MEIKIN: variants seen among roughly 807,000 people sequenced by gnomAD.
MEIKIN encodes the protein meiosis-specific kinetochore protein.
At chr5:131,890,631 T>C (rs1207186936) in intron 8 of MEIKIN, among the ~76,000 whole-genome samples, 2 of 152,128 alleles carry the variant, frequency 1.3e-5, no homozygotes, top group African/African-American at 2.4e-5. Context: ...GTCTTGCTAG[T>C]GGTCTATCAA....
intron 8 of MEIKIN, among the ~76,000 whole-genome samples, chr5:131,901,101 T>C (rs561151358): frequency 6.6e-6 from 1 of 152,250 alleles, no homozygotes; most frequent in East Asian, 1.9e-4. Context: ...ACACTGCCAC[T>C]GGCGTGAAAC....
chr5:131,839,754 G>C (rs1749871299), intron 11 of MEIKIN, among the ~76,000 whole-genome samples: 1 of 152,280 alleles, frequency 6.6e-6, no homozygotes, highest in Admixed American at 6.5e-5. Context: ...CTGCATGTGA[G>C]ATGGGTCTCT....
Position 131,871,945 on chromosome 5 carries a change from T to C in MEIKIN, c.774+7033A>G, listed in dbSNP as rs1302508157. On this transcript the variant is annotated intron_variant, in intron 9 of 12. Coordinates refer to ENST00000442687, the MANE Select transcript of MEIKIN (RefSeq NM_001303622.2). Reference sequence around the variant, plus strand: ...GACCTGCAGCTGAGGGTCCTGACTGTTAGAAGGAAAACTAACAAACAGGAA... The same window carrying C: ...GACCTGCAGCTGAGGGTCCTGACTGCTAGAAGGAAAACTAACAAACAGGAA... 5.9e-5 allele frequency among the ~76,000 whole-genome samples: 9 copies of C among 152,170 alleles called. No homozygotes were observed. The East Asian group carries it at 1.2e-3, about 20-fold the overall frequency.
chr5:131,845,106 TA>T (rs1218585597), intron 11 of MEIKIN, among the ~76,000 whole-genome samples: 3 of 151,344 alleles, frequency 2.0e-5, no homozygotes, highest in Non-Finnish European at 4.4e-5. Context: ...TCATCTCTAT[TA>T]AAAACACAAA....
chr5:131,892,000 G>T (rs7443918), intron 8 of MEIKIN, among the ~76,000 whole-genome samples: 20,578 of 151,950 alleles, frequency 0.14, 3,560 homozygotes, highest in African/African-American at 0.41. Flanking sequence ...GATATGAAAT[G>T]CTGGGTTGAA....
chr5:131,888,396 G>A (rs564653161), intron 8 of MEIKIN, among the ~76,000 whole-genome samples: 15 of 151,428 alleles, frequency 9.9e-5, no homozygotes, highest in Non-Finnish European at 2.1e-4. Context: ...TTTAATGATC[G>A]CCATTCTAAC....
chr5:131,809,844 A>G (rs1046814369), intron 12 of MEIKIN, among the ~76,000 whole-genome samples: 6 of 151,678 alleles, frequency 4.0e-5, no homozygotes, highest in Admixed American at 1.3e-4. Flanking sequence ...AAACAAAACC[A>G]AAGAACAGTT....
At chr5:131,897,409 T>A (rs1209595449) in intron 8 of MEIKIN, among the ~76,000 whole-genome samples, 1 of 152,242 alleles carries the variant, frequency 6.6e-6, no homozygotes, top group East Asian at 1.9e-4. Flanking sequence ...GTTCTCTGTA[T>A]TTCCTGAATT....
chr5:131,830,119 G>T (rs1749689196), intron 11 of MEIKIN, among the ~76,000 whole-genome samples: 1 of 152,212 alleles, frequency 6.6e-6, no homozygotes, highest in Non-Finnish European at 1.5e-5. Flanking sequence ...ACTGGGCACA[G>T]TGACTCATCC....
intron 8 of MEIKIN, among the ~76,000 whole-genome samples, chr5:131,887,658 T>C (rs185808530): frequency 6.6e-6 from 1 of 152,270 alleles, no homozygotes; most frequent in East Asian, 1.9e-4. Context: ...TCTGTTCATA[T>C]CCTTTGCTCA....
chr5:131,822,934 ATTTTTTT>A (rs70974019), intron 11 of MEIKIN, among the ~76,000 whole-genome samples: 5 of 116,912 alleles, frequency 4.3e-5, no homozygotes, highest in Admixed American at 2.6e-4. Context: ...TGCTTAAAGG[ATTTTTTT>A]TTTTTTTTTT....
intron 6 of MEIKIN, among the ~76,000 whole-genome samples, chr5:131,919,424 AG>A (rs1372378809): frequency 6.6e-6 from 1 of 152,246 alleles, no homozygotes; most frequent in Non-Finnish European, 1.5e-5. Flanking sequence ...TATATATCAT[AG>A]GTTTATTCAT....
intron 8 of MEIKIN, among the ~76,000 whole-genome samples, chr5:131,890,685 T>G (rs1191797414): frequency 1.3e-5 from 2 of 152,206 alleles, no homozygotes; most frequent in Non-Finnish European, 2.9e-5. Flanking sequence ...ATTCATTGAT[T>G]TTTTGAAGGG....
At chr5:131,839,686 T>G (rs1320904099) in intron 11 of MEIKIN, among the ~76,000 whole-genome samples, 1 of 152,208 alleles carries the variant, frequency 6.6e-6, no homozygotes, top group Non-Finnish European at 1.5e-5. Flanking sequence ...CTTTTTTCTG[T>G]TTTCCATTTG....
intron 9 of MEIKIN, among the ~76,000 whole-genome samples, chr5:131,874,261 AG>A (rs1288711934): frequency 6.6e-6 from 1 of 152,202 alleles, no homozygotes; most frequent in Non-Finnish European, 1.5e-5. Flanking sequence ...AGACTAATAA[AG>A]AAGAAAAGAG....
chr5:131,896,175 T>C (rs1318028519), intron 8 of MEIKIN, among the ~76,000 whole-genome samples: 1 of 152,210 alleles, frequency 6.6e-6, no homozygotes, highest in Admixed American at 6.5e-5. Flanking sequence ...GGTTGTTCAG[T>C]TTCCATGTAG....
chr5:131,844,027 C>T (rs559108304), intron 11 of MEIKIN, among the ~76,000 whole-genome samples: 24 of 152,172 alleles, frequency 1.6e-4, no homozygotes, highest in African/African-American at 3.4e-4. Flanking sequence ...AACATGGTTA[C>T]GGCAGAATGT....
chr5:131,906,518 T>C (rs977400138), intron 8 of MEIKIN, among the ~76,000 whole-genome samples: 9 of 150,754 alleles, frequency 6.0e-5, no homozygotes, highest in African/African-American at 2.2e-4. Flanking sequence ...TTATTGGGTA[T>C]ATACCCTAAG....
At chr5:131,871,721 C>G (rs1203162067) in intron 9 of MEIKIN, among the ~76,000 whole-genome samples, 1 of 152,118 alleles carries the variant, frequency 6.6e-6, no homozygotes, top group Non-Finnish European at 1.5e-5. Context: ...CCCTGACCTC[C>G]GAGTAGCCTA....
Sources: allele counts gnomAD v4.1 joint callset (sites outside exome capture counted in the v4.1 genomes callset), GRCh38; gene constraint gnomAD v4.1.1; transcripts MANE v1.5; gene names NCBI Gene and HGNC (gene_info 2026-07-23, HGNC 2026-07-21).